The following KANK1 variants were observed in gnomAD, a reference collection of about 807,000 sequenced individuals.
KANK1 encodes the protein KN motif and ankyrin repeat domains 1.
Under a neutral mutation model 106.2 loss-of-function variants are expected in KANK1, and 109 were observed. The ratio of observed to expected loss-of-function variants is 1.03; its 90% CI spans 0.88 to 1.20. The LOEUF (loss-of-function observed/expected upper bound fraction) is 1.20. Among genes scored for constraint, KANK1 ranks in the 50% most tolerant of loss-of-function variants. The probability of loss-of-function intolerance (pLI) is 0.00; values close to 1 mark genes in which losing one functional copy is unlikely to be tolerated. For missense variants in KANK1, 2,399 were observed against 1,710.7 expected (o/e 1.40, Z -7.10); for synonymous variants, 873 against 652.2 (o/e 1.34, Z -5.16).
intron 1 of KANK1, among the ~76,000 whole-genome samples, chr9:580,121 G>A (rs1821664864): frequency 6.6e-6 from 1 of 152,092 alleles, no homozygotes; most frequent in Non-Finnish European, 1.5e-5. Flanking sequence ...TGGTAGGTTC[G>A]TGGTCTCACT....
intron 1 of KANK1, among the ~76,000 whole-genome samples, chr9:565,844 C>A (rs1817669319): frequency 6.6e-6 from 1 of 152,152 alleles, no homozygotes; most frequent in Non-Finnish European, 1.5e-5. Flanking sequence ...GGCTGGTTAT[C>A]ATTTATACCT....
intron 1 of KANK1, among the ~76,000 whole-genome samples, chr9:565,663 G>A (rs890873725): frequency 5.3e-5 from 8 of 152,120 alleles, no homozygotes; most frequent in African/African-American, 1.9e-4. Context: ...TGGGTTAGGG[G>A]CCATAGGACC....
At chr9:684,859 A>C (rs773367743) in intron 2 of KANK1, among the ~76,000 whole-genome samples, 5 of 152,160 alleles carry the variant, frequency 3.3e-5, no homozygotes, top group Non-Finnish European at 5.9e-5. Flanking sequence ...ATATTATCAT[A>C]ATTCTCAAAT....
At chr9:658,688 G>C (rs977708645) in intron 1 of KANK1, among the ~76,000 whole-genome samples, 1 of 151,910 alleles carries the variant, frequency 6.6e-6, no homozygotes. Flanking sequence ...TCATTATTTT[G>C]ACTATAGATA....
upstream of KANK1, among the ~76,000 whole-genome samples, chr9:502,550 G>C (rs929672646): frequency 1.5e-5 from 2 of 130,120 alleles, no homozygotes; most frequent in African/African-American, 3.9e-5. Context: ...TTTTCTTAGA[G>C]TCGTGCTCTG....
At chr9:675,106 G>T (rs1814911814) in intron 1 of KANK1, among the ~76,000 whole-genome samples, 1 of 152,010 alleles carries the variant, frequency 6.6e-6, no homozygotes, top group Non-Finnish European at 1.5e-5. Context: ...GAACATTTTG[G>T]TACAATTACT....
chr9:675,842 C>T (rs958511795), intron 1 of KANK1, among the ~76,000 whole-genome samples: 8 of 152,172 alleles, frequency 5.3e-5, no homozygotes, highest in African/African-American at 1.4e-4. Flanking sequence ...ATTATACACA[C>T]AGTTACTTCT....
chr9:502,891 G>C (rs761018372), upstream of KANK1, among the ~76,000 whole-genome samples: 6 of 152,098 alleles, frequency 3.9e-5, no homozygotes, highest in Non-Finnish European at 8.8e-5. Flanking sequence ...CTAGAATGCA[G>C]TGGCTCAATC....
intron 1 of KANK1, among the ~76,000 whole-genome samples, chr9:649,321 A>C (rs1340897051): frequency 6.6e-6 from 1 of 151,954 alleles, no homozygotes; most frequent in East Asian, 1.9e-4. Context: ...CATCCCATCT[A>C]CTTAACATTT....
chr9:671,623 A>AAAAAAAAAAAGAAGAAG lies in KANK1; in HGVS notation c.-83-5263_-83-5262insAAAAAAGAAGAAGAAAA, dbSNP rs79437342. ...AGAGCGAAACTCCGTCTCAAAAAAA[A>AAAAAAAAAAAGAAGAAG]AAAAGAGTGTACTGGTTAAGTACTG... On this transcript the variant is annotated intron_variant, in intron 1 of 11. Transcript: ENST00000382297. Among the ~76,000 whole-genome samples the AAAAAAAAAAAGAAGAAG allele has an allele frequency of 3.6e-4, 37 of 103,624 alleles. 3 individuals carry two copies. The highest frequency in any genetic ancestry group is 1.3e-3 in the African/African-American group (29 of 22,522). 68.0% of individuals were successfully genotyped at this position (103,624 alleles called of 152,430 possible). A position where few individuals can be genotyped will look rare whatever the true frequency, so the allele number is the denominator to read the frequency against.
intron 3 of KANK1, among the ~76,000 whole-genome samples, chr9:726,377 G>A (rs149125409): frequency 0.039 from 5,940 of 152,254 alleles, 390 homozygotes; most frequent in African/African-American, 0.14. Flanking sequence ...GGTTGCTCAC[G>A]CCTCTAACCC....
intron 1 of KANK1, among the ~76,000 whole-genome samples, chr9:512,016 C>G (rs543369465): frequency 2.4e-4 from 35 of 144,750 alleles, no homozygotes; most frequent in African/African-American, 9.8e-4. Context: ...AAAGGCTTTG[C>G]TCCCATGACT....
intron 3 of KANK1, among the ~76,000 whole-genome samples, chr9:494,647 T>C (rs1022515629): frequency 5.9e-5 from 9 of 152,180 alleles, no homozygotes; most frequent in African/African-American, 2.2e-4. Context: ...GCAATACACG[T>C]GACAAGCCTT....
chr9:669,378 C>T (rs540856214), intron 1 of KANK1, among the ~76,000 whole-genome samples: 1 of 152,154 alleles, frequency 6.6e-6, no homozygotes, highest in East Asian at 1.9e-4. Flanking sequence ...CCATCTTTAA[C>T]ATTTCTTGTA....
chr9:522,862 G>A (rs1448768583), intron 1 of KANK1, among the ~76,000 whole-genome samples: 2 of 151,678 alleles, frequency 1.3e-5, no homozygotes, highest in African/African-American at 2.4e-5. Flanking sequence ...GACAGCTCAT[G>A]GGAATTAAGC....
At chr9:583,896 A>C (rs1156690574) in intron 1 of KANK1, among the ~76,000 whole-genome samples, 2 of 152,040 alleles carry the variant, frequency 1.3e-5, no homozygotes, top group Non-Finnish European at 2.9e-5. Flanking sequence ...AAAATTTAAA[A>C]ATTAAATCTA....
At chr9:635,900 C>G (rs918834114) in intron 1 of KANK1, among the ~76,000 whole-genome samples, 1 of 151,920 alleles carries the variant, frequency 6.6e-6, no homozygotes, top group Admixed American at 6.6e-5. Flanking sequence ...GTCTTGAACT[C>G]CTGGCCTCAG....
chr9:570,052 A>G (rs1168721122), intron 1 of KANK1, among the ~76,000 whole-genome samples: 1 of 152,166 alleles, frequency 6.6e-6, no homozygotes, highest in African/African-American at 2.4e-5. Context: ...GGAGAATAGA[A>G]TAGTTTTTTT....
intron 1 of KANK1, among the ~76,000 whole-genome samples, chr9:505,176 C>T (rs2058691596): frequency 6.6e-6 from 1 of 152,146 alleles, no homozygotes; most frequent in Non-Finnish European, 1.5e-5. Context: ...TTCCCTAGCC[C>T]GGGGCGGAAC....
Sources: gnomAD v4.1 joint callset for allele counts (sites outside exome capture counted in the v4.1 genomes callset) on GRCh38, gnomAD v4.1.1 for gene constraint, MANE v1.5 for transcripts, NCBI Gene and HGNC (gene_info 2026-07-23, HGNC 2026-07-21) for gene names.